Variants in CNKSR2 observed in about 807,000 individuals in gnomAD.
CNKSR2 encodes the protein connector enhancer of kinase suppressor of Ras 2.
In CNKSR2, 14 loss-of-function variants were observed where a neutral mutation model predicts 84.4. The ratio of observed to expected loss-of-function variants is 0.17; its 90% CI spans 0.11 to 0.26. The LOEUF (loss-of-function observed/expected upper bound fraction) is 0.26. Ranked by LOEUF, CNKSR2 falls within the 10% of genes least tolerant of loss-of-function variation. The pLI, the probability that CNKSR2 is intolerant of heterozygous loss-of-function variation, is 1.00. For missense variants in CNKSR2, 485 were observed against 771.2 expected (o/e 0.63, Z 4.40); for synonymous variants, 275 against 277.9 (o/e 0.99, Z 0.10).
intron 19 of CNKSR2, among the ~76,000 whole-genome samples, chrX:21,607,303 G>C (rs1465316076): frequency 9.0e-6 from 1 of 111,405 alleles, no homozygotes; most frequent in Non-Finnish European, 1.9e-5. Flanking sequence ...TTTGCATGTA[G>C]CTTTTTCAGC....
chrX:21,405,059 T>C (rs952046434), intron 1 of CNKSR2, among the ~76,000 whole-genome samples: 21 of 111,599 alleles, frequency 1.9e-4, no homozygotes, highest in Non-Finnish European at 3.4e-4. Flanking sequence ...TGTTACTTTA[T>C]AGAATGTTTG....
At chrX:21,593,813 A>G (rs757648052) in intron 15 of CNKSR2, 1 of 111,605 alleles carries the variant, frequency 9.0e-6, no homozygotes, top group Non-Finnish European at 1.9e-5. Flanking sequence ...TGCACAGAAT[A>G]ATTGTTATAA....
chrX:21,517,492 T>C, intron 9 of CNKSR2, among the ~76,000 whole-genome samples: 2 of 111,448 alleles, frequency 1.8e-5, no homozygotes, highest in Middle Eastern at 4.6e-3. Context: ...GCATTTTTCT[T>C]CAGCATGAAA....
At chrX:21,380,700 G>A (rs1244657933) in intron 1 of CNKSR2, among the ~76,000 whole-genome samples, 1 of 110,845 alleles carries the variant, frequency 9.0e-6, no homozygotes, top group South Asian at 3.8e-4. Context: ...CACCTGCCTC[G>A]GCCTCCTAAA....
At chrX:21,598,840 T>G (rs2092464610) in intron 17 of CNKSR2, among the ~76,000 whole-genome samples, 1 of 112,918 alleles carries the variant, frequency 8.9e-6, no homozygotes, top group East Asian at 2.8e-4. Context: ...ATATAGCTGT[T>G]AATAAATGTT....
At chrX:21,414,921 T>A (rs373109446) in intron 1 of CNKSR2, among the ~76,000 whole-genome samples, 2 of 111,690 alleles carry the variant, frequency 1.8e-5, no homozygotes, top group African/African-American at 6.5e-5. Context: ...TGTCTCTTTT[T>A]ATGCCAGCAC....
intron 2 of CNKSR2, chrX:21,429,476 G>A (rs1283884022): frequency 8.9e-6 from 1 of 111,916 alleles, no homozygotes; most frequent in Non-Finnish European, 1.9e-5. Flanking sequence ...ATACTTGTCA[G>A]TTCTTTAAAT....
chrX:21,467,808 T>C (rs755651854), intron 4 of CNKSR2, among the ~76,000 whole-genome samples: 141 of 110,584 alleles, frequency 1.3e-3, no homozygotes, highest in Non-Finnish European at 2.5e-3. Context: ...AATAGTTGAG[T>C]GTGCACCAAT....
intron 1 of CNKSR2, among the ~76,000 whole-genome samples, chrX:21,418,234 G>A (rs773593158): frequency 5.4e-5 from 6 of 111,561 alleles, no homozygotes; most frequent in Admixed American, 4.7e-4. Context: ...AGATCTTATT[G>A]TACTGTCTAT....
intron 1 of CNKSR2, among the ~76,000 whole-genome samples, chrX:21,383,172 C>T (rs960603928): frequency 8.9e-6 from 1 of 111,953 alleles, no homozygotes; most frequent in African/African-American, 3.2e-5. Context: ...GCAATTGTGC[C>T]CTGATTTGAC....
At chrX:21,490,381 A>G in intron 5 of CNKSR2, 78 bp from the exon 6 acceptor site, 1 of 983,857 alleles carries the variant, frequency 1.0e-6, no homozygotes, top group East Asian at 3.3e-5. Flanking sequence ...TCCTTATGAA[A>G]ACGTTATTAC....
intron 1 of CNKSR2, among the ~76,000 whole-genome samples, chrX:21,388,410 A>G (rs967260781): frequency 4.5e-5 from 5 of 111,866 alleles, no homozygotes; most frequent in Non-Finnish European, 5.6e-5. Context: ...TCATGAGTGA[A>G]GGAAACAGCT....
At chrX:21,426,912 T>C in intron 2 of CNKSR2, 1 of 351,449 alleles carries the variant, frequency 2.8e-6, no homozygotes. Flanking sequence ...CCAGAGTGTA[T>C]GTCTCATAAG....
chrX:21,483,811 A>C (rs1471397508), intron 5 of CNKSR2, among the ~76,000 whole-genome samples: 1 of 110,001 alleles, frequency 9.1e-6, no homozygotes, highest in Admixed American at 9.8e-5. Context: ...GATACTAAAC[A>C]TACTATATTT....
At chrX:21,412,527 A>G (rs1235982703) in intron 1 of CNKSR2, among the ~76,000 whole-genome samples, 2 of 112,031 alleles carry the variant, frequency 1.8e-5, no homozygotes, top group African/African-American at 3.2e-5. Flanking sequence ...TGATTAGGCA[A>G]TTTTTTCATG....
intron 13 of CNKSR2, among the ~76,000 whole-genome samples, chrX:21,573,825 T>A (rs753395466): frequency 8.9e-6 from 1 of 112,061 alleles, no homozygotes; most frequent in African/African-American, 3.2e-5. Flanking sequence ...TTCCCCATTG[T>A]TTTGGTGATT....
At chrX:21,590,750 G>A (rs1474342428) in intron 14 of CNKSR2, 130 bp downstream of exon 14, 2 of 617,877 alleles carry the variant, frequency 3.2e-6, no homozygotes, top group Non-Finnish European at 4.9e-6. Context: ...TTGTGCGAAA[G>A]CTGCCAGCTT....
chrX:21,466,785 A>G (rs1442074359), intron 4 of CNKSR2, among the ~76,000 whole-genome samples: 1 of 111,073 alleles, frequency 9.0e-6, no homozygotes, highest in Non-Finnish European at 1.9e-5. Flanking sequence ...GGGTTTCACC[A>G]TGTTGGCCAG....
At chrX:21,578,587 A>G (rs1335848538) in intron 13 of CNKSR2, among the ~76,000 whole-genome samples, 2 of 103,471 alleles carry the variant, frequency 1.9e-5, no homozygotes, top group Non-Finnish European at 3.9e-5. Flanking sequence ...CACACGTTGT[A>G]TATAAAATTA....
Sources: gnomAD v4.1 joint callset for allele counts (sites outside exome capture counted in the v4.1 genomes callset) on GRCh38, gnomAD v4.1.1 for gene constraint, MANE v1.5 for transcripts, NCBI Gene and HGNC (gene_info 2026-07-23, HGNC 2026-07-21) for gene names.